The following PXK variants were observed in gnomAD, a reference collection of about 807,000 sequenced individuals.
PXK encodes the protein PX domain-containing protein kinase-like protein.
A neutral mutation model predicts 84.7 loss-of-function variants in PXK; 35 were observed. The observed-to-expected ratio is 0.41, with a 90% CI of 0.32 to 0.55. The LOEUF is 0.55. PXK is among the 20% of genes least tolerant of loss of function. PXK has a pLI of 0.21. For missense variants in PXK, 634 were observed against 699.7 expected (o/e 0.91, Z 1.06); for synonymous variants, 253 against 260.8 (o/e 0.97, Z 0.29).
chr3:58,409,630 G>A lies in PXK; in HGVS notation c.1395+12G>A, dbSNP rs569191016. 1 of 1,601,204 alleles carries A rather than the reference G, an allele frequency of 6.2e-7. No homozygotes were observed. The highest frequency in any genetic ancestry group is 1.1e-5 in the South Asian group (1 of 90,230). On this transcript the variant is annotated intron_variant, in intron 15 of 17. Coordinates refer to ENST00000356151, the MANE Select transcript of PXK (RefSeq NM_017771.5). The surrounding 1 kb of genome is among the most constrained non-coding windows in gnomAD (Gnocchi z 4.2). ...TTTTAGCTCGAAAGGTAAGCCTGCT[G>A]TCTCTCTGCAGTCCCTCTATGAGTT... is the stretch of plus-strand genomic sequence containing the variant.
intron 3 of PXK, among the ~76,000 whole-genome samples, chr3:58,374,263 C>T (rs1373071534): frequency 2.6e-5 from 4 of 151,216 alleles, no homozygotes; most frequent in South Asian, 2.1e-4. Context: ...CTCCACCTCC[C>T]GGGTTCAAGC....
At chr3:58,334,937 GTGTGTGTGTGTGTGTGTGTGTC>G (rs2097560798) in intron 1 of PXK, among the ~76,000 whole-genome samples, 1 of 129,552 alleles carries the variant, frequency 7.7e-6, no homozygotes, top group Non-Finnish European at 1.6e-5. Flanking sequence ...GGGTGTGTGT[GTGTGTGTGTGTGTGTGTGTGTC>G]TGTGTGTGTG....
chr3:58,382,641 C>T lies in PXK; in HGVS notation c.329C>T (p.Ser110Phe). Residue 110 changes from serine (S) to phenylalanine (F), a missense_variant, in exon 4 of 18, where the codon TCT becomes TTT. Around this residue, in one of 3 missense-constraint regions of PXK, gnomAD observed 353 missense variants for 385.2 expected, o/e 0.92. Coordinates refer to ENST00000356151, the MANE Select transcript of PXK (RefSeq NM_017771.5). ...LNVITTNHIL[S>F]NCELVKKFLD... ...GTGATCACAACAAATCATATCTTGT[C>T]TAATTGTGAGCTGGTTAAGAAGTTT... is the stretch of plus-strand genomic sequence containing the variant. The T allele has an allele frequency of 6.3e-7, 1 of 1,595,706 alleles. No homozygotes were observed. The highest frequency in any genetic ancestry group is 8.5e-7 in the Non-Finnish European group (1 of 1,174,464).
At chr3:58,367,243 T>TA (rs1469941756) in intron 2 of PXK, among the ~76,000 whole-genome samples, 2 of 151,416 alleles carry the variant, frequency 1.3e-5, no homozygotes, top group Non-Finnish European at 2.9e-5. Context: ...ATTTATTTAA[T>TA]AAAAGCTTTT....
intron 4 of PXK, among the ~76,000 whole-genome samples, chr3:58,384,219 G>A (rs1273281379): frequency 6.6e-6 from 1 of 152,176 alleles, no homozygotes; most frequent in East Asian, 1.9e-4. Flanking sequence ...CTTGTTGAAG[G>A]TGCAGAATTC....
rs1335269363 is a variant in PXK, at chr3:58,390,695, A to G, written c.466+36A>G. ...GGCACGCTCATTCTGTTAAAAAGACAGATCACAGAACTGGATCCTTAGTCA... is the reference window on the plus strand; with the variant it reads ...GGCACGCTCATTCTGTTAAAAAGACGGATCACAGAACTGGATCCTTAGTCA... On this transcript the variant is annotated intron_variant, in intron 5 of 17. Transcript: ENST00000356151. This position sits in a 1 kb window ranked among gnomAD's most constrained non-coding sequence, Gnocchi z 4.2. 1 of 1,574,128 alleles carries G rather than the reference A, an allele frequency of 6.4e-7. No homozygotes were observed. The highest frequency in any genetic ancestry group is 8.7e-7 in the Non-Finnish European group (1 of 1,148,338).
In PXK at chr3:58,365,933, CTTTTT is replaced by C; in HGVS notation, c.153+20_153+24del. Reference sequence around the variant, plus strand: ...TGGAAAACAGCTGGCAGGTAAGCATCTTTTTTTTTTTTTTTGTCAATTAGAAAAAT... The same window carrying C: ...TGGAAAACAGCTGGCAGGTAAGCATCTTTTTTTTTTGTCAATTAGAAAAAT... On this transcript the variant is annotated intron_variant, in intron 2 of 17. Coordinates refer to ENST00000356151, the MANE Select transcript of PXK (RefSeq NM_017771.5). The C allele has an allele frequency of 3.6e-6, 5 of 1,393,924 alleles. No individual in the cohort carries two copies. The Admixed American group carries it at 7.6e-5, about 21-fold the overall frequency. 86.3% of individuals were successfully genotyped at this position (1,393,924 alleles called of 1,614,324 possible). A position where few individuals can be genotyped will look rare whatever the true frequency, so the allele number is the denominator to read the frequency against.
Position 58,397,103 on chromosome 3 carries a change from T to G in PXK, c.887T>G (p.Leu296Arg). 6.2e-7 allele frequency: 1 copy of G among 1,614,188 alleles called. No homozygotes were observed. The highest frequency in any genetic ancestry group is 2.2e-5 in the East Asian group (1 of 44,882). The part of the protein sequence containing the change: ...YGHLHASNVM[L>R]DGDTCRLLDL... Reference sequence around the variant, plus strand: ...CATCTTCACGCCTCCAATGTGATGCTCGATGGGGACACTTGCCGGCTGCTG... The same window carrying G: ...CATCTTCACGCCTCCAATGTGATGCGCGATGGGGACACTTGCCGGCTGCTG... Residue 296 changes from leucine (L) to arginine (R), a missense_variant, in exon 10 of 18, where the codon CTC (leucine) becomes CGC (arginine). Around this residue, in one of 3 missense-constraint regions of PXK, gnomAD observed 353 missense variants for 385.2 expected, o/e 0.92. Coordinates refer to ENST00000356151, the MANE Select transcript of PXK (RefSeq NM_017771.5). The surrounding 1 kb of genome is among the most constrained non-coding windows in gnomAD (Gnocchi z 4.7).
chr3:58,357,323 TG>T (rs2098107630), intron 1 of PXK, among the ~76,000 whole-genome samples: 1 of 151,448 alleles, frequency 6.6e-6, no homozygotes, highest in South Asian at 2.1e-4. Flanking sequence ...CACATTAGCC[TG>T]GGCCTACACA....
At position 58,390,212 on chromosome 3, in the gene PXK, G is replaced by T. The variant is rs764808319; in HGVS notation, c.389-370G>T. ...AAAACAAAACTAAACAAAAGAAGTTGCAATGATAGTACAGAAAATTGCCAT... is the reference window on the plus strand; with the variant it reads ...AAAACAAAACTAAACAAAAGAAGTTTCAATGATAGTACAGAAAATTGCCAT... On this transcript the variant is annotated intron_variant, in intron 4 of 17. Coordinates refer to ENST00000356151, the MANE Select transcript of PXK (RefSeq NM_017771.5). The surrounding 1 kb of genome is among the most constrained non-coding windows in gnomAD (Gnocchi z 4.2). Among the ~76,000 whole-genome samples the T allele has an allele frequency of 6.6e-6, 1 of 151,826 alleles. No individual in the cohort carries two copies. Among genetic ancestry groups the T allele is most frequent in the East Asian group, 1.9e-4 (1 of 5,174 alleles).
In PXK at chr3:58,385,780, T is replaced by A. The variant is rs971155567; in HGVS notation, c.388+3080T>A. Among the ~76,000 whole-genome samples the A allele has an allele frequency of 1.3e-5, 2 of 152,120 alleles. No homozygotes were observed. The highest frequency in any genetic ancestry group is 2.4e-5 in the African/African-American group (1 of 41,408). On this transcript the variant is annotated intron_variant, in intron 4 of 17. Transcript: ENST00000356151. This position sits in a 1 kb window ranked among gnomAD's most constrained non-coding sequence, Gnocchi z 5.1. ...TCCCAAAGTGCTGGGATTACAGGCA[T>A]GAGCCACTGTGCCTGGCCCACTTTT... is the stretch of plus-strand genomic sequence containing the variant.
intron 4 of PXK, among the ~76,000 whole-genome samples, chr3:58,388,820 T>C (rs941417471): frequency 1.3e-5 from 2 of 152,146 alleles, no homozygotes; most frequent in Non-Finnish European, 2.9e-5. Flanking sequence ...TTTGCCAAGC[T>C]CTTGACATGT....
chr3:58,402,755 CTTT>C (rs34514925), intron 12 of PXK, among the ~76,000 whole-genome samples: 2,201 of 130,352 alleles, frequency 0.017, 28 homozygotes, highest in Non-Finnish European at 0.023. Flanking sequence ...TAATAATATA[CTTT>C]TTTTTTTTTT....
At chr3:58,377,409 C>T (rs1238907257) in intron 3 of PXK, among the ~76,000 whole-genome samples, 1 of 152,116 alleles carries the variant, frequency 6.6e-6, no homozygotes, top group Non-Finnish European at 1.5e-5. Flanking sequence ...CTGGACTGCT[C>T]TAATATAAGC....
rs563118625 is a variant in PXK at position 58,411,179 on chromosome 3, C to T, written c.1465+1020C>T. On this transcript the variant is annotated intron_variant, in intron 16 of 17. Coordinates refer to ENST00000356151, the MANE Select transcript of PXK (RefSeq NM_017771.5). The surrounding 1 kb of genome is among the most constrained non-coding windows in gnomAD (Gnocchi z 4.2). ...CAGGGAGGAGAATGTCTGCCTGGGG[C>T]GGGAGGAGAAAAGTGTACAAGATGA... is the stretch of plus-strand genomic sequence containing the variant. Among the ~76,000 whole-genome samples, 9 of 152,114 alleles carry T rather than the reference C, an allele frequency of 5.9e-5. No individual in the cohort carries two copies. The highest frequency in any genetic ancestry group is 3.9e-4 in the East Asian group (2 of 5,172).
intron 17 of PXK, chr3:58,420,587 A>C: frequency 6.5e-7 from 1 of 1,535,986 alleles, no homozygotes; most frequent in Non-Finnish European, 8.7e-7. Flanking sequence ...AACTATGCTG[A>C]TTTCTCAGAC....
In PXK at chr3:58,370,630, AG is replaced by A. The variant is rs2098353620; in HGVS notation, c.201+1154del. Among the ~76,000 whole-genome samples the A allele has an allele frequency of 6.6e-6, 1 of 152,164 alleles. No homozygotes were observed. The highest frequency in any genetic ancestry group is 1.5e-5 in the Non-Finnish European group (1 of 68,030). ...TCTGATCTTGCCCATAAAGGTCAGG[AG>A]GACTGTGCACTAGGAGGAAGCGTAA... On this transcript the variant is annotated intron_variant, in intron 3 of 17. Transcript: ENST00000356151. This position sits in a 1 kb window ranked among gnomAD's most constrained non-coding sequence, Gnocchi z 4.2.
chr3:58,342,247 G>A (rs1012594725), intron 1 of PXK, among the ~76,000 whole-genome samples: 4 of 152,090 alleles, frequency 2.6e-5, no homozygotes, highest in African/African-American at 7.2e-5. Context: ...CTGCTTCCCT[G>A]TTCATAAATA....
At chr3:58,342,267 A>G (rs2097749786) in intron 1 of PXK, among the ~76,000 whole-genome samples, 1 of 152,014 alleles carries the variant, frequency 6.6e-6, no homozygotes, top group Admixed American at 6.6e-5. Flanking sequence ...ACCCATAAAC[A>G]TGTCTTTGTG....
Sources: allele counts gnomAD v4.1 joint callset (sites outside exome capture counted in the v4.1 genomes callset), GRCh38; gene constraint gnomAD v4.1.1; regional missense constraint gnomAD v4.1.1; non-coding constraint Gnocchi (gnomAD v3.1); transcripts MANE v1.5; gene names NCBI Gene and HGNC (gene_info 2026-07-23, HGNC 2026-07-21).